KCNT2: variants seen among roughly 807,000 people sequenced by gnomAD.
The protein encoded by KCNT2 is potassium channel subfamily T member 2.
In KCNT2, 67 loss-of-function variants were observed where a neutral mutation model predicts 153.8. The observed-to-expected ratio is 0.44, with a 90% CI of 0.36 to 0.53. The LOEUF (loss-of-function observed/expected upper bound fraction) is 0.53, where lower values mean the gene tolerates loss of function less well. KCNT2 is among the 20% of genes least tolerant of loss of function. KCNT2 has a pLI of 0.00. For synonymous variants in KCNT2, 500 were observed against 458.8 expected (o/e 1.09, Z -1.15); for missense variants, 975 against 1,354.8 (o/e 0.72, Z 4.40).
intron 1 of KCNT2, among the ~76,000 whole-genome samples, chr1:196,504,331 G>A (rs1009990665): frequency 4.7e-5 from 7 of 149,576 alleles, no homozygotes; most frequent in East Asian, 2.0e-4. Flanking sequence ...GAGAACATGC[G>A]GTGTTTGGTT....
chr1:196,452,339 C>T (rs956638649), intron 8 of KCNT2, among the ~76,000 whole-genome samples: 6 of 151,900 alleles, frequency 3.9e-5, no homozygotes, highest in African/African-American at 1.5e-4. Flanking sequence ...ATGATTATTG[C>T]CATATGCCTC....
At chr1:196,339,910 TTGA>T (rs142728830) in intron 16 of KCNT2, among the ~76,000 whole-genome samples, 4,667 of 152,166 alleles carry the variant, frequency 0.031, 215 homozygotes, top group African/African-American at 0.1. Context: ...ATAGCCTCTC[TTGA>T]TGATAATTAC....
intron 8 of KCNT2, among the ~76,000 whole-genome samples, chr1:196,435,608 T>C (rs768637409): frequency 6.6e-6 from 1 of 151,880 alleles, no homozygotes; most frequent in East Asian, 1.9e-4. Flanking sequence ...TTTGCTACCA[T>C]GTTGACGTAC....
At chr1:196,394,137 T>C (rs1188753673) in intron 13 of KCNT2, among the ~76,000 whole-genome samples, 1 of 151,534 alleles carries the variant, frequency 6.6e-6, no homozygotes, top group Non-Finnish European at 1.5e-5. Flanking sequence ...GAGAGGGTAT[T>C]GGAATTTGTA....
chr1:196,559,684 T>C (rs960721778), intron 1 of KCNT2, among the ~76,000 whole-genome samples: 2 of 151,956 alleles, frequency 1.3e-5, no homozygotes, highest in South Asian at 4.1e-4. Flanking sequence ...CAACTAAATA[T>C]GGCATTTCAT....
chr1:196,333,004 T>G (rs916005770), intron 17 of KCNT2, among the ~76,000 whole-genome samples: 1 of 151,940 alleles, frequency 6.6e-6, no homozygotes, highest in African/African-American at 2.4e-5. Context: ...TGGTCAGGCT[T>G]GTCTCAAACT....
intron 26 of KCNT2, among the ~76,000 whole-genome samples, chr1:196,249,579 C>T (rs888989801): frequency 2.6e-5 from 4 of 152,178 alleles, no homozygotes; most frequent in African/African-American, 9.6e-5. Context: ...TTGAGACCAG[C>T]CTGGCCAACA....
chr1:196,268,336 G>A (rs958076113), intron 25 of KCNT2, among the ~76,000 whole-genome samples: 2 of 152,068 alleles, frequency 1.3e-5, no homozygotes, highest in Admixed American at 1.3e-4. Flanking sequence ...CATAATACAA[G>A]GCTCATCAAA....
Position 196,599,461 on chromosome 1 carries a change from GT to G in KCNT2, c.95+8753del, listed in dbSNP as rs1281672080. On this transcript the variant is annotated intron_variant, in intron 1 of 27. Coordinates refer to ENST00000294725, the MANE Select transcript of KCNT2 (RefSeq NM_198503.5). ...ACTGTTTTCTGGCTTTATATGCAAA[GT>G]CCATTTCTTACCCATATTTACATAC... Among the ~76,000 whole-genome samples the G allele has an allele frequency of 2.6e-5, 4 of 152,270 alleles. No individual in the cohort carries two copies. In the South Asian group the frequency reaches 8.3e-4, roughly 32 times the overall value.
chr1:196,233,587 C>G (rs1654148757), intron 27 of KCNT2, among the ~76,000 whole-genome samples: 1 of 151,316 alleles, frequency 6.6e-6, no homozygotes, highest in Non-Finnish European at 1.5e-5. Flanking sequence ...CTTCAAAGTT[C>G]CAATACTGTG....
rs538794053 is a variant in KCNT2, at chr1:196,351,019, T to C, written c.1404-8791A>G. Reference sequence around the variant, plus strand: ...GTCAAAGATCAGATAGTTGTAGATATGTGGCGTTATTTCTGAGGGCTCTGT... The same window carrying C: ...GTCAAAGATCAGATAGTTGTAGATACGTGGCGTTATTTCTGAGGGCTCTGT... On this transcript the variant is annotated intron_variant, in intron 14 of 27. Transcript: ENST00000294725. 2.6e-5 allele frequency among the ~76,000 whole-genome samples: 4 copies of C among 152,312 alleles called. No homozygotes were observed. The South Asian group carries it at 8.3e-4, about 32-fold the overall frequency.
At chr1:196,359,540 G>T (rs1385204695) in intron 14 of KCNT2, among the ~76,000 whole-genome samples, 2 of 151,866 alleles carry the variant, frequency 1.3e-5, no homozygotes, top group African/African-American at 4.8e-5. Context: ...ACTAATATTT[G>T]TTGAAGATGC....
chr1:196,426,076 G>A, intron 10 of KCNT2, 88 bp from the exon 11 acceptor site: 3 of 997,128 alleles, frequency 3.0e-6, no homozygotes, highest in Admixed American at 2.6e-5. Flanking sequence ...AGAAAAATTT[G>A]AAATATGATA....
chr1:196,502,547 C>CAAAATAAAA (rs2148768994), intron 1 of KCNT2, among the ~76,000 whole-genome samples: 1 of 152,200 alleles, frequency 6.6e-6, no homozygotes, highest in African/African-American at 2.4e-5. Context: ...TAAATAACAA[C>CAAAATAAAA]TATCAATTTC....
chr1:196,355,931 G>A (rs181220655), intron 14 of KCNT2, among the ~76,000 whole-genome samples: 196 of 151,644 alleles, frequency 1.3e-3, no homozygotes, highest in African/African-American at 4.4e-3. Context: ...CATATGCTTC[G>A]CTTCTATTCA....
At chr1:196,414,205 G>A (rs772097053) in intron 12 of KCNT2, among the ~76,000 whole-genome samples, 13 of 151,436 alleles carry the variant, frequency 8.6e-5, no homozygotes, top group Admixed American at 1.3e-4. Flanking sequence ...ATTTTCACAC[G>A]TAACAGATTA....
At chr1:196,273,752 C>T (rs899001957) in intron 25 of KCNT2, among the ~76,000 whole-genome samples, 22 of 151,716 alleles carry the variant, frequency 1.5e-4, no homozygotes, top group African/African-American at 4.3e-4. Flanking sequence ...TGTTAATGAT[C>T]GGCAGACGGG....
chr1:196,536,119 A>G (rs1317165142), intron 1 of KCNT2, among the ~76,000 whole-genome samples: 1 of 152,206 alleles, frequency 6.6e-6, no homozygotes, highest in Non-Finnish European at 1.5e-5. Context: ...TCCACATGAC[A>G]TTACCACAAG....
At chr1:196,538,827 C>T (rs905360033) in intron 1 of KCNT2, among the ~76,000 whole-genome samples, 2 of 152,212 alleles carry the variant, frequency 1.3e-5, no homozygotes, top group African/African-American at 4.8e-5. Context: ...GACTCTCTCA[C>T]ACTAATTATT....
Sources: gnomAD v4.1 joint callset for allele counts (sites outside exome capture counted in the v4.1 genomes callset) on GRCh38, gnomAD v4.1.1 for gene constraint, MANE v1.5 for transcripts, NCBI Gene and HGNC (gene_info 2026-07-23, HGNC 2026-07-21) for gene names.